PELI2: variants seen among roughly 807,000 people sequenced by gnomAD.
PELI2 encodes the protein E3 ubiquitin-protein ligase pellino homolog 2.
A neutral mutation model predicts 42.3 loss-of-function variants in PELI2; 23 were observed. That is an observed-to-expected ratio of 0.54 (90% confidence interval 0.39 to 0.77). The LOEUF is 0.77. PELI2 is among the 30% of genes least tolerant of loss of function. PELI2 has a pLI of 0.00. For missense variants in PELI2, 463 were observed against 553.2 expected (o/e 0.84, Z 1.64); for synonymous variants, 245 against 212.2 (o/e 1.15, Z -1.34).
rs776859648 is a variant in PELI2, at chr14:56,228,698, C to T, written c.207+50234C>T. Reference sequence around the variant, plus strand: ...CTCCCAGTGTGAGCGATGCAGAAGACGGATGATTTCTGCATTTCCAACTGA... The same window carrying T: ...CTCCCAGTGTGAGCGATGCAGAAGATGGATGATTTCTGCATTTCCAACTGA... On this transcript the variant is annotated intron_variant, in intron 2 of 5. Coordinates refer to ENST00000267460, the MANE Select transcript of PELI2 (RefSeq NM_021255.3). Among the ~76,000 whole-genome samples, 47 of 152,314 alleles carry T rather than the reference C, an allele frequency of 3.1e-4. 1 individual carries two copies. Among genetic ancestry groups the T allele is most frequent in the Middle Eastern group, 3.4e-3 (1 of 294 alleles).
rs1882931600 is a variant in PELI2, at chr14:56,118,471, G to GCGGAGCAGCCGCGCAGCCACGA, written c.-180_-159dup. On this transcript the variant is annotated 5_prime_UTR_variant, in exon 1 of 6. Transcript: ENST00000267460. ...GGCGCGCGGAGCTCCGGGGAGTCAGGCGGAGCAGCCGCGCAGCCACGACGG... is the reference window on the plus strand; with the variant it reads ...GGCGCGCGGAGCTCCGGGGAGTCAGGCGGAGCAGCCGCGCAGCCACGACGGAGCAGCCGCGCAGCCACGACGG... 1.5e-5 allele frequency: 5 copies of GCGGAGCAGCCGCGCAGCCACGA among 336,712 alleles called. No homozygotes were observed. Among genetic ancestry groups the GCGGAGCAGCCGCGCAGCCACGA allele is most frequent in the South Asian group, 1.5e-4 (1 of 6,874 alleles). 20.9% of individuals were successfully genotyped at this position (336,712 alleles called of 1,614,324 possible).
In PELI2 at chr14:56,178,346, C is replaced by A. The variant is rs373163291; in HGVS notation, c.89C>A (p.Ala30Asp). The change falls in exon 2 of 6, where the codon GCT (alanine) becomes GAT (aspartate). Residue 30 changes from alanine to aspartate, a missense_variant. Physicochemically the swap from Ala to Asp is moderately radical, Grantham distance 126. Coordinates refer to ENST00000267460, the MANE Select transcript of PELI2 (RefSeq NM_021255.3). ...CTCTCTGTTTCTAGGTACAATGGTGCTTTACCCAATGGAGATAGAGGACGG... is the reference window on the plus strand; with the variant it reads ...CTCTCTGTTTCTAGGTACAATGGTGATTTACCCAATGGAGATAGAGGACGG... ...GELVVLGYNG[A>D]LPNGDRGRRK... 6.2e-7 allele frequency: 1 copy of A among 1,613,914 alleles called. No homozygotes were observed. Among genetic ancestry groups the A allele is most frequent in the African/African-American group, 1.3e-5 (1 of 74,894 alleles).
chr14:56,220,858 G>A (rs1887103494), intron 2 of PELI2, among the ~76,000 whole-genome samples: 1 of 152,116 alleles, frequency 6.6e-6, no homozygotes. Flanking sequence ...ATCCTACAAG[G>A]ACTTCCAGAA....
At chr14:56,220,023 A>G (rs1451172831) in intron 2 of PELI2, among the ~76,000 whole-genome samples, 1 of 152,226 alleles carries the variant, frequency 6.6e-6, no homozygotes, top group Non-Finnish European at 1.5e-5. Flanking sequence ...TAGGTAAACA[A>G]TAAGTTAACA....
At chr14:56,201,760 A>ACTATATACAATAATTCAGCAAGCTG (rs1566634283) in intron 2 of PELI2, among the ~76,000 whole-genome samples, 1 of 151,690 alleles carries the variant, frequency 6.6e-6, no homozygotes, top group Non-Finnish European at 1.5e-5. Flanking sequence ...TCAGCAAGCT[A>ACTATATACAATAATTCAGCAAGCTG]ACTATGTACA....
Position 56,260,713 on chromosome 14 carries a change from A to G in PELI2, c.208-18963A>G, listed in dbSNP as rs539836606. Among the ~76,000 whole-genome samples, 17 of 152,340 alleles carry G rather than the reference A, an allele frequency of 1.1e-4. No individual in the cohort carries two copies. In the South Asian group the frequency reaches 2.9e-3, roughly 26 times the overall value. ...GATTTGGTAATCCTTGTGTGAGTAA[A>G]TAGTACGATGGATTCCTCAAGAAGC... is the stretch of plus-strand genomic sequence containing the variant. On this transcript the variant is annotated intron_variant, in intron 2 of 5. Transcript: ENST00000267460.
chr14:56,179,379 T>C (rs1350203170), intron 2 of PELI2, among the ~76,000 whole-genome samples: 2 of 152,202 alleles, frequency 1.3e-5, no homozygotes, highest in Non-Finnish European at 2.9e-5. Context: ...GCATGTGTGA[T>C]ATTTATATGC....
chr14:56,243,682 A>G (rs1285040169), intron 2 of PELI2, among the ~76,000 whole-genome samples: 3 of 152,172 alleles, frequency 2.0e-5, no homozygotes, highest in Non-Finnish European at 4.4e-5. Context: ...TATCCAGTTC[A>G]CAAGAATGGA....
chr14:56,122,409 T>C (rs1349456082), intron 1 of PELI2, among the ~76,000 whole-genome samples: 1 of 152,170 alleles, frequency 6.6e-6, no homozygotes, highest in East Asian at 1.9e-4. Flanking sequence ...ACTCCCCTAC[T>C]CTACCCTTTC....
chr14:56,158,684 T>C (rs1037279734), intron 1 of PELI2, among the ~76,000 whole-genome samples: 7 of 152,176 alleles, frequency 4.6e-5, no homozygotes, highest in African/African-American at 1.7e-4. Flanking sequence ...CTTCTTACTA[T>C]AGTAGAAGTT....
At chr14:56,281,640 T>C (rs1889485327) in intron 3 of PELI2, among the ~76,000 whole-genome samples, 1 of 152,222 alleles carries the variant, frequency 6.6e-6, no homozygotes, top group East Asian at 1.9e-4. Context: ...AAATTACAAA[T>C]TGGGGAAATA....
chr14:56,121,233 C>T (rs1883047239), intron 1 of PELI2, among the ~76,000 whole-genome samples: 1 of 147,394 alleles, frequency 6.8e-6, no homozygotes, highest in Non-Finnish European at 1.5e-5. Context: ...TTGTCAAATT[C>T]AGTGCTTTTT....
At chr14:56,278,377 C>T (rs1319914228) in intron 2 of PELI2, among the ~76,000 whole-genome samples, 1 of 152,108 alleles carries the variant, frequency 6.6e-6, no homozygotes, top group Non-Finnish European at 1.5e-5. Context: ...AGATTACATC[C>T]ACTTAAATTG....
intron 2 of PELI2, among the ~76,000 whole-genome samples, chr14:56,237,731 G>C (rs993131709): frequency 1.3e-5 from 2 of 150,588 alleles, no homozygotes; most frequent in Admixed American, 6.7e-5. Flanking sequence ...TTCATAGTTA[G>C]ACATACTATT....
intron 2 of PELI2, among the ~76,000 whole-genome samples, chr14:56,257,680 G>C (rs1158690715): frequency 1.3e-5 from 2 of 152,150 alleles, no homozygotes; most frequent in Non-Finnish European, 2.9e-5. Context: ...TATATTAAAT[G>C]ACTGGTTGCA....
At chr14:56,229,170 G>A (rs1887468549) in intron 2 of PELI2, among the ~76,000 whole-genome samples, 1 of 152,244 alleles carries the variant, frequency 6.6e-6, no homozygotes, top group Non-Finnish European at 1.5e-5. Flanking sequence ...TGGGGGCAGG[G>A]AATAGCTGAA....
intron 2 of PELI2, among the ~76,000 whole-genome samples, chr14:56,203,571 A>G (rs907798252): frequency 6.6e-5 from 10 of 152,186 alleles, no homozygotes; most frequent in African/African-American, 1.4e-4. Flanking sequence ...TGGACAGTGA[A>G]GGACAAAGCA....
At chr14:56,185,022 A>G (rs922516665) in intron 2 of PELI2, among the ~76,000 whole-genome samples, 2 of 152,044 alleles carry the variant, frequency 1.3e-5, no homozygotes, top group African/African-American at 4.8e-5. Flanking sequence ...TAGAGAACAA[A>G]TGGAATATTT....
At chr14:56,208,801 T>C (rs1209561254) in intron 2 of PELI2, among the ~76,000 whole-genome samples, 7 of 152,198 alleles carry the variant, frequency 4.6e-5, no homozygotes, top group Non-Finnish European at 8.8e-5. Flanking sequence ...CAAGCTGAAC[T>C]CACCACTTTC....
Sources: allele counts gnomAD v4.1 joint callset (sites outside exome capture counted in the v4.1 genomes callset), GRCh38; gene constraint gnomAD v4.1.1; transcripts MANE v1.5; gene names NCBI Gene and HGNC (gene_info 2026-07-23, HGNC 2026-07-21).